The following PRKG1 variants were observed in gnomAD, a reference collection of about 807,000 sequenced individuals.
The protein encoded by PRKG1 is protein kinase cGMP-dependent 1, also known as cGMP-dependent protein kinase 1.
In PRKG1, 35 loss-of-function variants were observed where a neutral mutation model predicts 88.1. The observed-to-expected ratio is 0.40, with a 90% CI of 0.30 to 0.53. The LOEUF (loss-of-function observed/expected upper bound fraction) is 0.53. PRKG1 is among the 20% of genes least tolerant of loss of function. The pLI, the probability that PRKG1 is intolerant of heterozygous loss-of-function variation, is 0.59. For missense variants in PRKG1, 540 were observed against 839.8 expected (o/e 0.64, Z 4.41); for synonymous variants, 303 against 292.5 (o/e 1.04, Z -0.37).
At chr10:51,442,874 T>C (rs1839161447) in intron 2 of PRKG1, among the ~76,000 whole-genome samples, 1 of 152,026 alleles carries the variant, frequency 6.6e-6, no homozygotes, top group African/African-American at 2.4e-5. Flanking sequence ...GTGGGTTACC[T>C]GGATTCGGGT....
At chr10:51,558,848 A>T (rs894248563) in intron 3 of PRKG1, among the ~76,000 whole-genome samples, 1 of 152,086 alleles carries the variant, frequency 6.6e-6, no homozygotes, top group Non-Finnish European at 1.5e-5. Flanking sequence ...TAGACAGATC[A>T]ATGAACTGAA....
At chr10:51,376,653 T>C (rs1842822488) in intron 2 of PRKG1, among the ~76,000 whole-genome samples, 1 of 152,084 alleles carries the variant, frequency 6.6e-6, no homozygotes, top group Admixed American at 6.5e-5. Flanking sequence ...TTGTTTGTTT[T>C]CTTGTTTTTC....
At chr10:51,681,482 C>G (rs898094451) in intron 3 of PRKG1, among the ~76,000 whole-genome samples, 10 of 151,940 alleles carry the variant, frequency 6.6e-5, no homozygotes, top group Non-Finnish European at 4.4e-5. Flanking sequence ...AAAGTATTTG[C>G]TAAATTAACC....
At chr10:51,184,512 T>C (rs991752577) in intron 2 of PRKG1, among the ~76,000 whole-genome samples, 1 of 152,206 alleles carries the variant, frequency 6.6e-6, no homozygotes, top group Non-Finnish European at 1.5e-5. Context: ...GCCATGGTAA[T>C]TTAGAAGAAA....
At chr10:51,690,790 G>A (rs1841117142) in intron 3 of PRKG1, among the ~76,000 whole-genome samples, 1 of 151,594 alleles carries the variant, frequency 6.6e-6, no homozygotes, top group Non-Finnish European at 1.5e-5. Flanking sequence ...GCTGGGTGTG[G>A]TGGCGAGCAC....
chr10:51,713,436 T>C (rs1171843568), intron 3 of PRKG1, among the ~76,000 whole-genome samples: 1 of 152,242 alleles, frequency 6.6e-6, no homozygotes, highest in Non-Finnish European at 1.5e-5. Context: ...TTGTGTTGAA[T>C]TCTTTTCTAA....
chr10:51,661,443 G>A (rs1564595063), intron 3 of PRKG1, among the ~76,000 whole-genome samples: 1 of 152,116 alleles, frequency 6.6e-6, no homozygotes, highest in Non-Finnish European at 1.5e-5. Context: ...CTTCTCAAAA[G>A]AAGACATTTA....
intron 2 of PRKG1, among the ~76,000 whole-genome samples, chr10:51,236,773 G>T (rs973984816): frequency 7.9e-5 from 12 of 151,962 alleles, no homozygotes; most frequent in Non-Finnish European, 1.8e-4. Context: ...CAAAGTGCTG[G>T]GATTACAGGT....
intron 4 of PRKG1, among the ~76,000 whole-genome samples, chr10:51,850,954 C>A (rs1407826664): frequency 1.3e-5 from 2 of 152,080 alleles, no homozygotes; most frequent in Non-Finnish European, 2.9e-5. Flanking sequence ...GGTATCTTTA[C>A]CTTTGATCTA....
At chr10:52,105,114 T>A (rs1409655193) in intron 7 of PRKG1, among the ~76,000 whole-genome samples, 1 of 150,550 alleles carries the variant, frequency 6.6e-6, no homozygotes, top group African/African-American at 2.4e-5. Flanking sequence ...TCTTAAAATC[T>A]TAAAAGGAAG....
chr10:51,698,661 G>A lies in PRKG1; in HGVS notation c.593-105924G>A, dbSNP rs146979368. On this transcript the variant is annotated intron_variant, in intron 3 of 17. Coordinates refer to ENST00000373980, the MANE Select transcript of PRKG1 (RefSeq NM_006258.4). ...ACTTGTCCCCGCTCTAAAGGCACTG[G>A]GCCAACCCCTGGCATTCCAAGTTGG... The A allele has an allele frequency of 9.9e-6, 16 of 1,614,024 alleles. No homozygotes were observed. In the African/African-American group the frequency reaches 1.7e-4, roughly 18 times the overall value.
chr10:51,217,285 T>C (rs1030917772), intron 2 of PRKG1, among the ~76,000 whole-genome samples: 2 of 152,200 alleles, frequency 1.3e-5, no homozygotes, highest in African/African-American at 4.8e-5. Context: ...ATTTTACACA[T>C]ATAAAATTAT....
rs558896545 is a variant in PRKG1 at position 51,230,537 on chromosome 10, C to T, written c.478+77207C>T. Among the ~76,000 whole-genome samples the T allele has an allele frequency of 3.9e-5, 6 of 152,230 alleles. No homozygotes were observed. The East Asian group carries it at 1.2e-3, about 29-fold the overall frequency. On this transcript the variant is annotated intron_variant, in intron 2 of 17. Coordinates refer to ENST00000373980, the MANE Select transcript of PRKG1 (RefSeq NM_006258.4). ...TACACTCGTGTGAAAAATGTCTGGT[C>T]CATACTAAAGAGTTAAATTCAGTTG... is the stretch of plus-strand genomic sequence containing the variant.
At chr10:51,391,575 TC>T (rs764066497) in intron 2 of PRKG1, among the ~76,000 whole-genome samples, 1 of 152,230 alleles carries the variant, frequency 6.6e-6, no homozygotes, top group East Asian at 1.9e-4. Context: ...TCATTTTTCA[TC>T]TGGTGGTAGG....
chr10:51,780,928 G>A (rs777527724), intron 3 of PRKG1, among the ~76,000 whole-genome samples: 6 of 152,076 alleles, frequency 3.9e-5, no homozygotes, highest in Admixed American at 6.6e-5. Context: ...AAGAGCAAAC[G>A]TTAAGCCTTT....
chr10:51,309,022 C>A (rs948793036), intron 2 of PRKG1, among the ~76,000 whole-genome samples: 6 of 152,198 alleles, frequency 3.9e-5, no homozygotes, highest in Middle Eastern at 3.4e-3. Context: ...GTAATGTAAT[C>A]AAAAAGACAG....
chr10:51,376,387 G>A (rs866520310), intron 2 of PRKG1, among the ~76,000 whole-genome samples: 16 of 151,916 alleles, frequency 1.1e-4, no homozygotes, highest in African/African-American at 3.6e-4. Flanking sequence ...ATAATTATTA[G>A]GGATTCATTT....
intron 2 of PRKG1, among the ~76,000 whole-genome samples, chr10:51,247,001 C>G (rs1012619146): frequency 6.6e-6 from 1 of 151,982 alleles, no homozygotes; most frequent in African/African-American, 2.4e-5. Flanking sequence ...CATGACCATG[C>G]ATTTGTGGAT....
chr10:51,627,146 A>G (rs2132271682), intron 3 of PRKG1, among the ~76,000 whole-genome samples: 1 of 152,314 alleles, frequency 6.6e-6, no homozygotes, highest in Non-Finnish European at 1.5e-5. Context: ...CTTTCAATTA[A>G]GCCTTGAAGA....
Sources: allele counts gnomAD v4.1 joint callset (sites outside exome capture counted in the v4.1 genomes callset), GRCh38; gene constraint gnomAD v4.1.1; transcripts MANE v1.5; gene names NCBI Gene and HGNC (gene_info 2026-07-23, HGNC 2026-07-21).